The following TAF5L variants were observed in gnomAD, a reference collection of about 807,000 sequenced individuals.
The protein encoded by TAF5L is TAF5-like RNA polymerase II p300/CBP-associated factor-associated factor 65 kDa subunit 5L.
A neutral mutation model predicts 51.3 loss-of-function variants in TAF5L; 7 were observed. That is an observed-to-expected ratio of 0.14 (90% confidence interval 0.08 to 0.26). The LOEUF is 0.26. Among genes scored for constraint, TAF5L ranks in the 10% least tolerant of loss-of-function variants. The pLI is 1.00. For synonymous variants in TAF5L, 291 were observed against 308.1 expected (o/e 0.94, Z 0.58); for missense variants, 575 against 758.9 (o/e 0.76, Z 2.85).
In TAF5L at chr1:229,625,291, C is replaced by T. The variant is rs974346736; in HGVS notation, c.-4+594G>A. On this transcript the variant is annotated intron_variant, in intron 1 of 4. Transcript: ENST00000258281. This position sits in a 1 kb window ranked among gnomAD's most constrained non-coding sequence, Gnocchi z 4.0. ...CCGTCCCACACCATGGGCGCACCAA[C>T]CTTACCTTGCTGTCATGAGGCAACG... 3.9e-5 allele frequency among the ~76,000 whole-genome samples: 6 copies of T among 152,198 alleles called. No homozygotes were observed. Among genetic ancestry groups the T allele is most frequent in the African/African-American group, 1.4e-4 (6 of 41,460 alleles).
intron 4 of TAF5L, among the ~76,000 whole-genome samples, chr1:229,596,192 T>C (rs912894011): frequency 3.3e-5 from 5 of 152,130 alleles, no homozygotes; most frequent in Middle Eastern, 3.2e-3. Flanking sequence ...GAGGCTCACT[T>C]GAGCCTGGGA....
intron 1 of TAF5L, among the ~76,000 whole-genome samples, chr1:229,619,516 A>T (rs1665129683): frequency 6.6e-6 from 1 of 152,206 alleles, no homozygotes; most frequent in African/African-American, 2.4e-5. Context: ...GAAATCCAGC[A>T]AACAGATGTC....
chr1:229,606,568 T>C (rs1421515592), intron 3 of TAF5L: 1 of 985,328 alleles, frequency 1.0e-6, no homozygotes. Flanking sequence ...TTGGCTCTAT[T>C]GACTAGCACT....
chr1:229,617,617 G>A (rs906935294), intron 1 of TAF5L, among the ~76,000 whole-genome samples: 6 of 152,326 alleles, frequency 3.9e-5, no homozygotes, highest in African/African-American at 1.4e-4. Flanking sequence ...TGAAAGACAT[G>A]TGAATGACTG....
chr1:229,610,732 T>C (rs977171168), intron 2 of TAF5L, among the ~76,000 whole-genome samples: 1 of 152,188 alleles, frequency 6.6e-6, no homozygotes, highest in East Asian at 1.9e-4. Flanking sequence ...TTACTCCATT[T>C]CTTTGTCTTT....
intron 4 of TAF5L, among the ~76,000 whole-genome samples, chr1:229,596,242 C>T (rs1249083528): frequency 6.6e-6 from 1 of 152,130 alleles, no homozygotes; most frequent in African/African-American, 2.4e-5. Flanking sequence ...CCACTGCACT[C>T]CAGCCTGGGG....
chr1:229,601,072 A>G, intron 4 of TAF5L: 1 of 983,354 alleles, frequency 1.0e-6, no homozygotes, highest in East Asian at 1.1e-4. Flanking sequence ...GTACTATAAA[A>G]TTCTAGAAAT....
chr1:229,613,801 C>G (rs1664874945), intron 2 of TAF5L, among the ~76,000 whole-genome samples: 1 of 152,064 alleles, frequency 6.6e-6, no homozygotes, highest in Non-Finnish European at 1.5e-5. Flanking sequence ...GGAGTCAACT[C>G]AAGTTTTTCT....
At chr1:229,615,420 CT>C (rs1385019044) in intron 1 of TAF5L, among the ~76,000 whole-genome samples, 3 of 152,064 alleles carry the variant, frequency 2.0e-5, no homozygotes, top group East Asian at 3.9e-4. Flanking sequence ...TATTATTTAC[CT>C]TTTTTGCTCT....
intron 2 of TAF5L, among the ~76,000 whole-genome samples, chr1:229,610,783 TCTA>T (rs1337654504): frequency 1.3e-5 from 2 of 152,222 alleles, no homozygotes; most frequent in Admixed American, 6.5e-5. Context: ...CTTCAGCCCT[TCTA>T]CTATTTCCCC....
intron 1 of TAF5L, 105 bp from the exon 2 acceptor site, chr1:229,614,590 C>A (rs930662036): frequency 6.9e-7 from 1 of 1,458,562 alleles, no homozygotes; most frequent in Non-Finnish European, 9.3e-7. Flanking sequence ...AGAGAAAGAC[C>A]AGCCATGTGG....
chr1:229,625,899 G>C lies in TAF5L; in HGVS notation c.-18C>G, dbSNP rs1374751707. The C allele has an allele frequency of 7.1e-6, 1 of 141,816 alleles. No homozygotes were observed. The highest frequency in any genetic ancestry group is 1.5e-5 in the Non-Finnish European group (1 of 64,814). 8.8% of individuals were successfully genotyped at this position (141,816 alleles called of 1,614,324 possible). A position where few individuals can be genotyped will look rare whatever the true frequency, so the allele number is the denominator to read the frequency against. ...CCGGCACTCACTGAACATCCCAGGC[G>C]GCTCCGGCTCCCCCCGCCGCCGCCG... is the stretch of plus-strand genomic sequence containing the variant. On this transcript the variant is annotated 5_prime_UTR_variant, in exon 1 of 5. Transcript: ENST00000258281. This position sits in a 1 kb window ranked among gnomAD's most constrained non-coding sequence, Gnocchi z 4.0.
At chr1:229,609,991 T>C (rs112247500) in intron 3 of TAF5L, 115 bp downstream of exon 3, 4 of 793,552 alleles carry the variant, frequency 5.0e-6, no homozygotes, top group Middle Eastern at 3.8e-4. Context: ...TATTTTTTAA[T>C]TTTTCTTTTT....
rs1394212145 is a variant in TAF5L, at chr1:229,595,073, C to T, written c.994G>A (p.Gly332Ser). The T allele has an allele frequency of 1.1e-5, 18 of 1,602,722 alleles. No homozygotes were observed. In the Admixed American group the frequency reaches 3.0e-4, roughly 27 times the overall value. ...CCCCGCAGTATCTTCATCTCCGTGC[C>T]TGCATTATCATCCTCATCATCCTGG... Residue 332 changes from glycine (G) to serine (S), a missense_variant, in exon 5 of 5, where the codon GGC becomes AGC. Coordinates refer to ENST00000258281, the Ensembl canonical transcript of TAF5L.
chr1:229,604,082 G>A (rs1330278090), intron 3 of TAF5L, among the ~76,000 whole-genome samples: 1 of 151,902 alleles, frequency 6.6e-6, no homozygotes, highest in Non-Finnish European at 1.5e-5. Flanking sequence ...AATATAATAA[G>A]CATAAAGGTT....
chr1:229,606,370 C>T (rs1363611245), intron 3 of TAF5L: 2 of 956,662 alleles, frequency 2.1e-6, no homozygotes, highest in African/African-American at 1.8e-5. Context: ...TCTGAAAGTA[C>T]ACTTTTTCTT....
Position 229,602,227 on chromosome 1 carries a change from T to C in TAF5L, c.940A>G (p.Ile314Val). The C allele has an allele frequency of 6.2e-7, 1 of 1,614,038 alleles. No homozygotes were observed. The highest frequency in any genetic ancestry group is 8.5e-7 in the Non-Finnish European group (1 of 1,179,928). ...TCCAGAATATCACAAGCCAAATGGATGCGGGACACGTCTACTTGGTGGGGC... is the reference window on the plus strand; with the variant it reads ...TCCAGAATATCACAAGCCAAATGGACGCGGGACACGTCTACTTGGTGGGGC... Residue 314 changes from isoleucine (I) to valine (V), a missense_variant, in exon 4 of 5, where the codon ATC becomes GTC. By Grantham distance (29) the Ile-to-Val change is conservative. Transcript: ENST00000258281. The surrounding 1 kb of genome is among the most constrained non-coding windows in gnomAD (Gnocchi z 4.6).
At position 229,612,887 on chromosome 1, in the gene TAF5L, A is replaced by G. The variant is rs1427784028; in HGVS notation, c.142+1454T>C. Among the ~76,000 whole-genome samples the G allele has an allele frequency of 4.6e-5, 7 of 152,342 alleles. 1 individual carries two copies. The highest frequency in any genetic ancestry group is 1.4e-4 in the African/African-American group (6 of 41,578). On this transcript the variant is annotated intron_variant, in intron 2 of 4. Coordinates refer to ENST00000258281, the Ensembl canonical transcript of TAF5L. ...AGAGAGAAGAATGTAGCCTGAGCAT[A>G]TAAGAAAGGGAACCAGGGCTGAGCT...
At chr1:229,613,966 A>C (rs574234152) in intron 2 of TAF5L, among the ~76,000 whole-genome samples, 2 of 152,320 alleles carry the variant, frequency 1.3e-5, no homozygotes, top group African/African-American at 4.8e-5. Context: ...TCCATGCTGG[A>C]GGAGAGGGGA....
Sources: gnomAD v4.1 joint callset for allele counts (sites outside exome capture counted in the v4.1 genomes callset) on GRCh38, gnomAD v4.1.1 for gene constraint, Gnocchi (gnomAD v3.1) non-coding constraint, MANE v1.5 for transcripts, NCBI Gene and HGNC (gene_info 2026-07-23, HGNC 2026-07-21) for gene names.